The following TRIM60 variants were observed in gnomAD, a reference collection of about 807,000 sequenced individuals.
TRIM60 encodes the protein tripartite motif containing 60.
For synonymous variants in TRIM60, 189 were observed against 195.2 expected (o/e 0.97, Z 0.27); for missense variants, 524 against 540.8 (o/e 0.97, Z 0.31).
intron 1 of TRIM60, among the ~76,000 whole-genome samples, chr4:165,037,724 A>G (rs1733657494): frequency 6.6e-6 from 1 of 152,028 alleles, no homozygotes; most frequent in African/African-American, 2.4e-5. Flanking sequence ...GAATGATTCT[A>G]TTCATATTAG....
At chr4:165,037,176 G>A (rs1031900572) in intron 1 of TRIM60, among the ~76,000 whole-genome samples, 7 of 151,978 alleles carry the variant, frequency 4.6e-5, no homozygotes, top group African/African-American at 1.2e-4. Context: ...ACTCCAGCCT[G>A]GGCAACGAGA....
rs1733745120 is a variant in TRIM60 at position 165,040,885 on chromosome 4, A to G, written c.813A>G (p.Arg271=). The part of the protein sequence containing the change: ...NLKCPELFSF[R]LTKYGFSLPP... ...AATGCCCTGAACTCTTTTCATTTAG[A>G]TTAACAAAATATGGTTTCAGTCTTC... The change falls in exon 3 of 3, where the codon AGA becomes AGG. Residue 271 remains arginine, a synonymous_variant. Transcript: ENST00000512596. 1.2e-6 allele frequency: 2 copies of G among 1,612,698 alleles called. No homozygotes were observed. Among genetic ancestry groups the G allele is most frequent in the Non-Finnish European group, 1.7e-6 (2 of 1,179,310 alleles).
chr4:165,037,224 A>G (rs1477717661), intron 1 of TRIM60, among the ~76,000 whole-genome samples: 1 of 152,190 alleles, frequency 6.6e-6, no homozygotes, highest in Non-Finnish European at 1.5e-5. Context: ...CAAACAAACA[A>G]AAAAACGGAT....
intron 1 of TRIM60, among the ~76,000 whole-genome samples, chr4:165,036,671 A>G (rs1733629440): frequency 6.6e-6 from 1 of 152,126 alleles, no homozygotes; most frequent in South Asian, 2.1e-4. Context: ...ACTTGAGGTC[A>G]GGAGTTCAAG....
Position 165,032,709 on chromosome 4 carries a change from G to T in TRIM60, c.-57+597G>T, listed in dbSNP as rs192231932. ...CACCCTACAGCGCCAGCACTTCTCT[G>T]GCGGATTTTGTCTCCTTCCGTCCTC... On this transcript the variant is annotated intron_variant, in intron 1 of 2. Coordinates refer to ENST00000512596, the MANE Select transcript of TRIM60 (RefSeq NM_152620.3). Among the ~76,000 whole-genome samples the T allele has an allele frequency of 2.3e-3, 348 of 152,302 alleles. 1 individual carries two copies. Among genetic ancestry groups the T allele is most frequent in the African/African-American group, 7.9e-3 (329 of 41,554 alleles).
rs747251879 is a variant in TRIM60 at position 165,040,914 on chromosome 4, C to A, written c.842C>A (p.Pro281His). The A allele has an allele frequency of 6.2e-7, 1 of 1,613,332 alleles. No homozygotes were observed. Among genetic ancestry groups the A allele is most frequent in the South Asian group, 1.1e-5 (1 of 90,998 alleles). Residue 281 changes from proline to histidine, a missense_variant, in exon 3 of 3, where the codon CCT (proline) becomes CAT (histidine). Pro to His is a moderately conservative substitution (Grantham distance 77). Coordinates refer to ENST00000512596, the MANE Select transcript of TRIM60 (RefSeq NM_152620.3). ...RLTKYGFSLP[P>H]QYSGLDRIIK... The stretch of plus-strand genomic sequence containing the variant: ...ACAAAATATGGTTTCAGTCTTCCTC[C>A]TCAATATTCTGGCTTGGACAGAATT...
In TRIM60 at chr4:165,041,180, T is replaced by A. The variant is rs1272157377; in HGVS notation, c.1108T>A (p.Cys370Ser). Reference protein sequence around the residue: ...PKWILGVCQDCLLRNWQDQPS... With the variant: ...PKWILGVCQDSLLRNWQDQPS... Reference sequence around the variant, plus strand: ...ATGGATATTGGGTGTGTGTCAAGACTGTCTTCTTAGGAACTGGCAGGATCA... The same window carrying A: ...ATGGATATTGGGTGTGTGTCAAGACAGTCTTCTTAGGAACTGGCAGGATCA... Residue 370 changes from cysteine (C) to serine (S), a missense_variant, in exon 3 of 3, where the codon TGT (cysteine) becomes AGT (serine). Coordinates refer to ENST00000512596, the MANE Select transcript of TRIM60 (RefSeq NM_152620.3). 8 of 1,614,204 alleles carry A rather than the reference T, an allele frequency of 5.0e-6. No individual in the cohort carries two copies. In the South Asian group the frequency reaches 8.8e-5, roughly 18 times the overall value.
At position 165,040,483 on chromosome 4, in the gene TRIM60, C is replaced by G; in HGVS notation, c.411C>G (p.Ala137=). The G allele has an allele frequency of 6.2e-7, 1 of 1,614,116 alleles. No homozygotes were observed. Among genetic ancestry groups the G allele is most frequent in the Middle Eastern group, 1.6e-4 (1 of 6,062 alleles). The change falls in exon 3 of 3, where the codon GCC becomes GCG. Residue 137 remains alanine, a synonymous_variant. Coordinates refer to ENST00000512596, the MANE Select transcript of TRIM60 (RefSeq NM_152620.3). ...KHYICPIKKA[A]SYHREILEGS... ...ACATTTGCCCTATTAAGAAAGCTGC[C>G]TCTTATCACAGAGAAATTCTAGAAG... is the stretch of plus-strand genomic sequence containing the variant.
chr4:165,036,889 A>AG (rs1322541710), intron 1 of TRIM60, among the ~76,000 whole-genome samples: 2 of 139,532 alleles, frequency 1.4e-5, no homozygotes, highest in Non-Finnish European at 3.0e-5. Context: ...CTCAAAAAAA[A>AG]AAAAAAAGAA....
rs1362210482 is a variant in TRIM60 at position 165,041,182 on chromosome 4, T to C, written c.1110T>C (p.Cys370=). 4.3e-6 allele frequency: 7 copies of C among 1,614,194 alleles called. No homozygotes were observed. Among genetic ancestry groups the C allele is most frequent in the Non-Finnish European group, 5.9e-6 (7 of 1,180,036 alleles). ...PKWILGVCQD[C]LLRNWQDQPS... is the part of the protein sequence containing the mutation. Reference sequence around the variant, plus strand: ...GGATATTGGGTGTGTGTCAAGACTGTCTTCTTAGGAACTGGCAGGATCAGC... The same window carrying C: ...GGATATTGGGTGTGTGTCAAGACTGCCTTCTTAGGAACTGGCAGGATCAGC... The change falls in exon 3 of 3, where the codon TGT becomes TGC. Residue 370 remains cysteine, a synonymous_variant. Transcript: ENST00000512596.
At position 165,040,453 on chromosome 4, in the gene TRIM60, G is replaced by GCACTA; in HGVS notation, c.384_388dup (p.Ile130ThrfsTer17). 6.2e-7 allele frequency: 1 copy of GCACTA among 1,614,174 alleles called. No homozygotes were observed. The highest frequency in any genetic ancestry group is 8.5e-7 in the Non-Finnish European group (1 of 1,180,044). ...GCAGTTTCTCCACTAAACACCAGAA[G>GCACTA]CACTACATTTGCCCTATTAAGAAAG... is the stretch of plus-strand genomic sequence containing the variant. On this transcript the variant is annotated frameshift_variant, in exon 3 of 3. Coordinates refer to ENST00000512596, the MANE Select transcript of TRIM60 (RefSeq NM_152620.3). LOFTEE classifies it low-confidence loss of function (END_TRUNC).
chr4:165,035,618 TTA>T (rs1313981360), intron 1 of TRIM60, among the ~76,000 whole-genome samples: 1 of 152,248 alleles, frequency 6.6e-6, no homozygotes, highest in Admixed American at 6.5e-5. Context: ...CCTTCCTAGC[TTA>T]TATCAAAATT....
At position 165,041,693 on chromosome 4, in the gene TRIM60, T is replaced by C. The variant is rs1733771611; in HGVS notation, c.*205T>C. The C allele has an allele frequency of 2.5e-6, 1 of 399,116 alleles. No individual in the cohort carries two copies. The highest frequency in any genetic ancestry group is 4.1e-5 in the Admixed American group (1 of 24,100). 24.7% of individuals were successfully genotyped at this position (399,116 alleles called of 1,614,324 possible). ...AGGTGCTTTGATTTCTAAGATAAAATATTTTAGAATTATGTTACTTAACAT... is the reference window on the plus strand; with the variant it reads ...AGGTGCTTTGATTTCTAAGATAAAACATTTTAGAATTATGTTACTTAACAT... On this transcript the variant is annotated 3_prime_UTR_variant, in exon 3 of 3. Coordinates refer to ENST00000512596, the MANE Select transcript of TRIM60 (RefSeq NM_152620.3).
intron 1 of TRIM60, among the ~76,000 whole-genome samples, chr4:165,032,430 G>A (rs990026103): frequency 1.3e-5 from 2 of 152,150 alleles, no homozygotes; most frequent in African/African-American, 4.8e-5. Context: ...TGTATTTTTA[G>A]TAGAGACGAG....
intron 1 of TRIM60, among the ~76,000 whole-genome samples, chr4:165,036,280 C>T (rs1471898145): frequency 6.6e-6 from 1 of 152,032 alleles, no homozygotes; most frequent in East Asian, 1.9e-4. Flanking sequence ...TAGAAACAAA[C>T]TCAGAGAAAT....
In TRIM60 at chr4:165,041,635, C is replaced by A. The variant is rs1733770815; in HGVS notation, c.*147C>A. 2.1e-6 allele frequency: 1 copy of A among 473,258 alleles called. No homozygotes were observed. The allele number at this position is 473,258 out of a possible 1,614,324, so 29.3% of individuals were successfully genotyped here. ...TGGCAACTATAAGATGTTCATAATGCCACTTTCATATATTCTATGAATATC... is the reference window on the plus strand; with the variant it reads ...TGGCAACTATAAGATGTTCATAATGACACTTTCATATATTCTATGAATATC... On this transcript the variant is annotated 3_prime_UTR_variant, in exon 3 of 3. Coordinates refer to ENST00000512596, the MANE Select transcript of TRIM60 (RefSeq NM_152620.3).
chr4:165,041,395 C>T lies in TRIM60; in HGVS notation c.1323C>T (p.Asn441=), dbSNP rs772503443. The T allele has an allele frequency of 8.7e-6, 14 of 1,613,210 alleles. No individual in the cohort carries two copies. Among genetic ancestry groups the T allele is most frequent in the Middle Eastern group, 1.6e-4 (1 of 6,080 alleles). Residue 441 remains asparagine (N), a synonymous_variant, in exon 3 of 3, where the codon AAC becomes AAT. Coordinates refer to ENST00000512596, the MANE Select transcript of TRIM60 (RefSeq NM_152620.3). ...ATAGGTCTATTCTCTATACTTTTAA[C>T]GATTGTTTCACAGAAGCCGTTTGGC... ...MNDRSILYTF[N]DCFTEAVWPY... is the part of the protein sequence containing the mutation.
intron 2 of TRIM60, 136 bp from the exon 3 acceptor site, chr4:165,039,933 C>G (rs1333806589): frequency 1.6e-6 from 1 of 627,486 alleles, no homozygotes; most frequent in African/African-American, 1.8e-5. Context: ...GTGCCACCAG[C>G]ATGCTAGGCT....
At position 165,040,823 on chromosome 4, in the gene TRIM60, C is replaced by T. The variant is rs779367996; in HGVS notation, c.751C>T (p.Gln251Ter). 1 of 1,614,144 alleles carries T rather than the reference C, an allele frequency of 6.2e-7. No individual in the cohort carries two copies. Among genetic ancestry groups the T allele is most frequent in the East Asian group, 2.2e-5 (1 of 44,880 alleles). The change falls in exon 3 of 3, where the codon CAA becomes TAA. Residue 251 changes from glutamine to a stop codon, truncating the protein, a stop_gained. Coordinates refer to ENST00000512596, the MANE Select transcript of TRIM60 (RefSeq NM_152620.3). LOFTEE classifies it low-confidence loss of function (END_TRUNC). ...SVQSNLELLTQAKSMHHKYQN... is the reference protein window; with the variant it reads ...SVQSNLELLT ...GCAGTCAAACCTGGAATTACTGACA[C>T]AAGCTAAGAGTATGCACCACAAGTA...
Sources: allele counts gnomAD v4.1 joint callset (sites outside exome capture counted in the v4.1 genomes callset), GRCh38; gene constraint gnomAD v4.1.1; transcripts MANE v1.5; gene names NCBI Gene and HGNC (gene_info 2026-07-23, HGNC 2026-07-21).